ZNF276: variants seen among roughly 807,000 people sequenced by gnomAD.
ZNF276 encodes centromere protein Z.
In ZNF276, 59 loss-of-function variants were observed where a neutral mutation model predicts 63.9. The ratio of observed to expected loss-of-function variants is 0.92; its 90% CI spans 0.75 to 1.15. The LOEUF (loss-of-function observed/expected upper bound fraction) is 1.15. Ranked by LOEUF, ZNF276 falls within the 50% of genes most tolerant of loss-of-function variation. ZNF276 has a pLI of 0.00. For missense variants in ZNF276, 1,084 were observed against 843.8 expected (o/e 1.28, Z -3.53); for synonymous variants, 496 against 348.4 (o/e 1.42, Z -4.72).
intron 5 of ZNF276, among the ~76,000 whole-genome samples, chr16:89,728,556 C>A (rs2061542666): frequency 6.6e-6 from 1 of 152,200 alleles, no homozygotes; most frequent in Non-Finnish European, 1.5e-5. Flanking sequence ...GCACCCGCCA[C>A]CACGCCCGGC....
intron 9 of ZNF276, among the ~76,000 whole-genome samples, chr16:89,735,224 A>G (rs1381984634): frequency 2.7e-5 from 4 of 149,058 alleles, no homozygotes; most frequent in Non-Finnish European, 5.9e-5. Flanking sequence ...TCCTAAGTGC[A>G]GGTTCTGTAG....
chr16:89,724,230 G>A lies in ZNF276; in HGVS notation c.1006+521G>A, dbSNP rs942861538. ...TTTGGGCCCCAGAACCCATAGCACT[G>A]TGGGCTGGTGCAGCTGCTCCTGGAT... is the stretch of plus-strand genomic sequence containing the variant. On this transcript the variant is annotated intron_variant, in intron 4 of 10. Coordinates refer to ENST00000443381, the MANE Select transcript of ZNF276 (RefSeq NM_001113525.2). Among the ~76,000 whole-genome samples the A allele has an allele frequency of 3.9e-5, 6 of 152,226 alleles. No homozygotes were observed. The South Asian group carries it at 1.2e-3, about 32-fold the overall frequency.
intron 8 of ZNF276, 146 bp downstream of exon 8, chr16:89,733,703 G>A (rs528770919): frequency 2.2e-5 from 22 of 1,003,170 alleles, no homozygotes; most frequent in East Asian, 5.1e-5. Flanking sequence ...GTCCTAGCCA[G>A]TGCCATCCTT....
chr16:89,734,133 T>C, intron 9 of ZNF276, 95 bp downstream of exon 9: 2 of 1,206,736 alleles, frequency 1.7e-6, no homozygotes, highest in Admixed American at 1.9e-5. Context: ...CCCCAAGAGT[T>C]GGGGGTGCGT....
Position 89,723,693 on chromosome 16 carries a change from C to G in ZNF276, c.990C>G (p.Pro330=), listed in dbSNP as rs200848897. The change falls in exon 4 of 11, where the codon CCC becomes CCG. Residue 330 remains proline (P), a synonymous_variant. Coordinates refer to ENST00000443381, the MANE Select transcript of ZNF276 (RefSeq NM_001113525.2). ...RSGFPPQPSL[P]LCRAPGQLGE... ...GCTTCCCACCTCAGCCAAGCCTGCCCCTTTGCAGGGCCCCAGGTAGGAGGC... is the reference window on the plus strand; with the variant it reads ...GCTTCCCACCTCAGCCAAGCCTGCCGCTTTGCAGGGCCCCAGGTAGGAGGC... The G allele has an allele frequency of 1.9e-6, 3 of 1,610,058 alleles. No homozygotes were observed. The highest frequency in any genetic ancestry group is 3.3e-5 in the Admixed American group (2 of 59,958).
intron 6 of ZNF276, chr16:89,732,002 C>A (rs1404859972): frequency 6.6e-6 from 1 of 152,262 alleles, no homozygotes; most frequent in East Asian, 1.9e-4. Flanking sequence ...GTATCTTGTT[C>A]CTGACCTTGG....
Position 89,739,688 on chromosome 16 carries a change from C to A in ZNF276, c.*1442C>A. The A allele has an allele frequency of 1.3e-6, 2 of 1,515,720 alleles. No individual in the cohort carries two copies. Among genetic ancestry groups the A allele is most frequent in the Non-Finnish European group, 1.8e-6 (2 of 1,125,476 alleles). 93.9% of individuals were successfully genotyped at this position (1,515,720 alleles called of 1,614,324 possible). On this transcript the variant is annotated 3_prime_UTR_variant, in exon 11 of 11. Transcript: ENST00000443381. ...GATAGTGTGGGGCGAACAGCCTGAG[C>A]TGAGGATACCCAGGTACCTGTCAGC...
intron 9 of ZNF276, among the ~76,000 whole-genome samples, chr16:89,735,970 C>T (rs569519719): frequency 9.6e-4 from 146 of 151,712 alleles, no homozygotes; most frequent in Non-Finnish European, 1.7e-3. Context: ...CAGCTCACTG[C>T]AAGCTCCTCT....
intron 4 of ZNF276, among the ~76,000 whole-genome samples, chr16:89,726,239 C>T (rs34239762): frequency 0.012 from 1,790 of 152,208 alleles, 26 homozygotes; most frequent in South Asian, 0.082. Flanking sequence ...CTTTGTTACC[C>T]AGGCTGGAGT....
Position 89,723,537 on chromosome 16 carries a change from C to A in ZNF276, c.834C>A (p.Asn278Lys), listed in dbSNP as rs760212746. ...GGCTGCCCCAGCACCGAGGGTGGAA[C>A]CCTGGGGATGCCCCTCAGACCTCCC... is the stretch of plus-strand genomic sequence containing the variant. ...APRLPQHRGW[N>K]PGDAPQTSQG... Residue 278 changes from asparagine to lysine, a missense_variant, in exon 4 of 11, where the codon AAC becomes AAA. Coordinates refer to ENST00000443381, the MANE Select transcript of ZNF276 (RefSeq NM_001113525.2). The A allele has an allele frequency of 1.2e-6, 2 of 1,612,816 alleles. No homozygotes were observed. The highest frequency in any genetic ancestry group is 1.6e-4 in the Middle Eastern group (1 of 6,062).
At position 89,740,569 on chromosome 16, in the gene ZNF276, G is replaced by C. The variant is rs1362930610; in HGVS notation, c.*2323G>C. 4 of 551,092 alleles carry C rather than the reference G, an allele frequency of 7.3e-6. No homozygotes were observed. The highest frequency in any genetic ancestry group is 1.3e-5 in the Non-Finnish European group (4 of 309,040). 34.1% of individuals were successfully genotyped at this position (551,092 alleles called of 1,614,324 possible). A position where few individuals can be genotyped will look rare whatever the true frequency, so the allele number is the denominator to read the frequency against. On this transcript the variant is annotated 3_prime_UTR_variant, in exon 11 of 11. Coordinates refer to ENST00000443381, the MANE Select transcript of ZNF276 (RefSeq NM_001113525.2). ...GAGAATTGCTTGAACCCAGGAGGCT[G>C]AGGTTGCAGTGAGCTGAGATCACAC...
At chr16:89,726,452 C>G (rs992331691) in intron 4 of ZNF276, among the ~76,000 whole-genome samples, 1 of 152,088 alleles carries the variant, frequency 6.6e-6, no homozygotes, top group African/African-American at 2.4e-5. Context: ...CCACCCCGGC[C>G]TCCAAAGTGC....
At chr16:89,730,740 C>A (rs1312477058) in intron 6 of ZNF276, among the ~76,000 whole-genome samples, 1 of 152,158 alleles carries the variant, frequency 6.6e-6, no homozygotes, top group Non-Finnish European at 1.5e-5. Flanking sequence ...GCACTTGGTT[C>A]CCCAGCTGCC....
At position 89,739,231 on chromosome 16, in the gene ZNF276, C is replaced by T. The variant is rs1456500627; in HGVS notation, c.*985C>T. ...ACCAGCTTCAAGTACATGTCCACAG[C>T]AACATGCAGGAAGGCCTCTTCCCTG... On this transcript the variant is annotated 3_prime_UTR_variant, in exon 11 of 11. Transcript: ENST00000443381. 6.2e-7 allele frequency: 1 copy of T among 1,614,172 alleles called. No homozygotes were observed. Among genetic ancestry groups the T allele is most frequent in the Non-Finnish European group, 8.5e-7 (1 of 1,180,032 alleles).
At chr16:89,728,051 T>A (rs2061521841) in intron 5 of ZNF276, among the ~76,000 whole-genome samples, 2 of 152,242 alleles carry the variant, frequency 1.3e-5, no homozygotes, top group African/African-American at 4.8e-5. Context: ...CTCATCCAAA[T>A]GAGGACACCC....
At chr16:89,722,450 C>A in intron 1 of ZNF276, 81 bp from the exon 2 acceptor site, 1 of 1,462,754 alleles carries the variant, frequency 6.8e-7, no homozygotes, top group Non-Finnish European at 9.2e-7. Context: ...GCAGGCGCTG[C>A]CCTCGGACCT....
In ZNF276 at chr16:89,738,091, G is replaced by A; in HGVS notation, c.1690G>A (p.Glu564Lys). The change falls in exon 11 of 11, where the codon GAG (glutamate) becomes AAG (lysine). Residue 564 changes from glutamate to lysine, a missense_variant. By Grantham distance (56) the Glu-to-Lys change is moderately conservative. Transcript: ENST00000443381. Reference protein sequence around the residue: ...FACDQCGRRFEKAHNLNVHMS... With the variant: ...FACDQCGRRFKKAHNLNVHMS... ...CTGTGACCAGTGTGGCCGGCGGTTT[G>A]AGAAGGCCCACAACCTCAATGTACA... The A allele has an allele frequency of 1.2e-6, 2 of 1,614,044 alleles. No individual in the cohort carries two copies. Among genetic ancestry groups the A allele is most frequent in the Non-Finnish European group, 1.7e-6 (2 of 1,180,034 alleles).
chr16:89,727,851 G>A lies in ZNF276; in HGVS notation c.1085+494G>A, dbSNP rs905651031. 3.9e-5 allele frequency among the ~76,000 whole-genome samples: 6 copies of A among 152,344 alleles called. 1 individual carries two copies. The highest frequency in any genetic ancestry group is 3.3e-4 in the Admixed American group (5 of 15,304). On this transcript the variant is annotated intron_variant, in intron 5 of 10. Transcript: ENST00000443381. ...TAGCCCTTGACTATGACACTGTTGT[G>A]GCTTGAAGCCGAGGCTCTGCGAGGA...
Position 89,738,566 on chromosome 16 carries a change from A to C in ZNF276, c.*320A>C. 6.2e-7 allele frequency: 1 copy of C among 1,612,752 alleles called. No homozygotes were observed. Among genetic ancestry groups the C allele is most frequent in the Non-Finnish European group, 8.5e-7 (1 of 1,179,990 alleles). ...GTTATGCTTGTAATAAATTATTTAC[A>C]CGGGAGCTGGGCTGGTGTGCAGTGG... On this transcript the variant is annotated 3_prime_UTR_variant, in exon 11 of 11. Coordinates refer to ENST00000443381, the MANE Select transcript of ZNF276 (RefSeq NM_001113525.2).
Sources: allele counts gnomAD v4.1 joint callset (sites outside exome capture counted in the v4.1 genomes callset), GRCh38; gene constraint gnomAD v4.1.1; transcripts MANE v1.5; gene names NCBI Gene and HGNC (gene_info 2026-07-23, HGNC 2026-07-21).